Variants in EVL observed in about 807,000 individuals in gnomAD.
EVL encodes ena/VASP-like protein.
A neutral mutation model predicts 59.6 loss-of-function variants in EVL; 21 were observed. The observed-to-expected ratio is 0.35, with a 90% CI of 0.25 to 0.51. The LOEUF is 0.51. Among genes scored for constraint, EVL ranks in the 20% least tolerant of loss-of-function variants. The probability of loss-of-function intolerance (pLI) is 0.97; values close to 1 mark genes in which losing one functional copy is unlikely to be tolerated. For synonymous variants in EVL, 198 were observed against 203.5 expected, an observed-to-expected ratio of 0.97 and a Z score of 0.23; for missense variants, 462 against 546.6, an observed-to-expected ratio of 0.85 and a Z score of 1.54.
intron 1 of EVL, among the ~76,000 whole-genome samples, chr14:100,033,812 G>A (rs2140221806): frequency 6.6e-6 from 1 of 152,300 alleles, no homozygotes; most frequent in East Asian, 1.9e-4. Flanking sequence ...ATCACACAGA[G>A]CTGGCATTTG....
chr14:100,010,940 G>A (rs1021194359), intron 1 of EVL, among the ~76,000 whole-genome samples: 2 of 152,176 alleles, frequency 1.3e-5, no homozygotes, highest in African/African-American at 4.8e-5. Context: ...ATGCAGAGAG[G>A]CACTGAGGAC....
At chr14:100,086,381 G>A (rs548354057) in intron 2 of EVL, among the ~76,000 whole-genome samples, 1 of 152,314 alleles carries the variant, frequency 6.6e-6, no homozygotes, top group East Asian at 1.9e-4. Context: ...AACACCTAGT[G>A]GTTGGGGCTT....
intron 1 of EVL, among the ~76,000 whole-genome samples, chr14:99,978,577 G>A (rs1490994904): frequency 6.6e-6 from 1 of 152,014 alleles, no homozygotes; most frequent in Non-Finnish European, 1.5e-5. Context: ...ATACCTATAC[G>A]TGTATATTTA....
chr14:100,138,531 C>T (rs1485427688), intron 11 of EVL: 1 of 152,920 alleles, frequency 6.5e-6, no homozygotes, highest in Non-Finnish European at 1.5e-5. Flanking sequence ...GGAAACCACC[C>T]TTATCACAGA....
intron 1 of EVL, among the ~76,000 whole-genome samples, chr14:100,003,133 C>A (rs1346717790): frequency 2.0e-5 from 3 of 152,178 alleles, no homozygotes; most frequent in South Asian, 2.1e-4. Context: ...TCGACCCTTA[C>A]AATCTCACGC....
intron 9 of EVL, chr14:100,137,021 A>G (rs1417799305): frequency 1.3e-5 from 2 of 155,872 alleles, no homozygotes; most frequent in African/African-American, 2.4e-5. Context: ...CTGCCCCACT[A>G]CCCCCTAGAG....
At chr14:100,008,079 T>C (rs2060994758) in intron 1 of EVL, among the ~76,000 whole-genome samples, 1 of 152,134 alleles carries the variant, frequency 6.6e-6, no homozygotes, top group African/African-American at 2.4e-5. Context: ...CCCAGAATCA[T>C]CCCCAGTTGA....
intron 4 of EVL, among the ~76,000 whole-genome samples, chr14:100,125,145 CACACA>C (rs1887968945): frequency 1.4e-5 from 2 of 144,292 alleles, no homozygotes; most frequent in African/African-American, 2.7e-5. Context: ...CACACACACA[CACACA>C]CCTGCCCCAA....
rs146416321 is a variant in EVL, at chr14:100,092,371, A to G, written c.181-5110A>G. Among the ~76,000 whole-genome samples, 13 of 152,302 alleles carry G rather than the reference A, an allele frequency of 8.5e-5. No homozygotes were observed. The East Asian group carries it at 2.3e-3, about 27-fold the overall frequency. Reference sequence around the variant, plus strand: ...TGTATTCATATCAGCCAAGAATGCAAAACTACCCATGTCCATCAGCAGGAG... The same window carrying G: ...TGTATTCATATCAGCCAAGAATGCAGAACTACCCATGTCCATCAGCAGGAG... On this transcript the variant is annotated intron_variant, in intron 2 of 13. Transcript: ENST00000392920.
chr14:100,053,281 C>T (rs1248682624), intron 1 of EVL, among the ~76,000 whole-genome samples: 1 of 152,034 alleles, frequency 6.6e-6, no homozygotes, highest in Non-Finnish European at 1.5e-5. Context: ...TGCTTTTTCT[C>T]CTCGTTTTTT....
intron 1 of EVL, among the ~76,000 whole-genome samples, chr14:100,036,138 A>T (rs1159214099): frequency 1.3e-5 from 2 of 152,092 alleles, no homozygotes; most frequent in Non-Finnish European, 2.9e-5. Context: ...CAGAAACCCT[A>T]CTGTGAACTG....
chr14:100,017,604 A>G (rs1050844368), intron 1 of EVL, among the ~76,000 whole-genome samples: 1 of 152,232 alleles, frequency 6.6e-6, no homozygotes, highest in Non-Finnish European at 1.5e-5. Flanking sequence ...TCCAAGGCCC[A>G]GGGAATTTAA....
chr14:100,105,032 G>A (rs374908488), intron 3 of EVL, among the ~76,000 whole-genome samples: 91 of 151,626 alleles, frequency 6.0e-4, no homozygotes, highest in African/African-American at 2.1e-3. Context: ...ACCTTGTGCC[G>A]GTCATGCCAA....
intron 1 of EVL, among the ~76,000 whole-genome samples, chr14:100,029,966 T>C (rs975294325): frequency 3.9e-5 from 6 of 152,208 alleles, no homozygotes; most frequent in African/African-American, 1.4e-4. Context: ...TTTGCCATGC[T>C]GCTAGCACCT....
chr14:100,026,929 G>A (rs955932089), intron 1 of EVL, among the ~76,000 whole-genome samples: 1 of 152,166 alleles, frequency 6.6e-6, no homozygotes, highest in Non-Finnish European at 1.5e-5. Flanking sequence ...TTTGATAGAT[G>A]ATGGTGGGAG....
At chr14:99,986,683 A>C (rs1268695561) in intron 1 of EVL, among the ~76,000 whole-genome samples, 2 of 152,220 alleles carry the variant, frequency 1.3e-5, no homozygotes, top group African/African-American at 4.8e-5. Flanking sequence ...GGTTTTCTAC[A>C]CATGTAGCCT....
Position 100,065,481 on chromosome 14 carries a change from T to C in EVL, c.-20T>C. ...CAGGACTCGCCTCCTCAGGGTTCCC[T>C]GTGCTGCCACTTTTCAGCCATGGCC... On this transcript the variant is annotated 5_prime_UTR_variant, in exon 1 of 14. Transcript: ENST00000392920. The C allele has an allele frequency of 6.6e-7, 1 of 1,510,322 alleles. No homozygotes were observed. Among genetic ancestry groups the C allele is most frequent in the Non-Finnish European group, 9.0e-7 (1 of 1,117,214 alleles). 93.6% of individuals were successfully genotyped at this position (1,510,322 alleles called of 1,614,324 possible). A position where few individuals can be genotyped will look rare whatever the true frequency, so the allele number is the denominator to read the frequency against.
intron 1 of EVL, among the ~76,000 whole-genome samples, chr14:100,048,232 T>C (rs535627075): frequency 3.3e-5 from 5 of 152,332 alleles, no homozygotes; most frequent in African/African-American, 1.2e-4. Context: ...AGAGACAGAC[T>C]TGGAGAAAAT....
rs139047059 is a variant in EVL, at chr14:100,102,091, G to T, written c.358+4433G>T. Among the ~76,000 whole-genome samples the T allele has an allele frequency of 3.5e-3, 533 of 152,322 alleles. 1 individual carries two copies. Among genetic ancestry groups the T allele is most frequent in the Admixed American group, 5.2e-3 (79 of 15,302 alleles). ...GACCTCAAGTGATCCGCCCACCTCA[G>T]CCTCCCAAAGTGCTGGGATTAAGGT... On this transcript the variant is annotated intron_variant, in intron 3 of 13. Coordinates refer to ENST00000392920, the MANE Select transcript of EVL (RefSeq NM_016337.3).
Sources: allele counts gnomAD v4.1 joint callset (sites outside exome capture counted in the v4.1 genomes callset), GRCh38; gene constraint gnomAD v4.1.1; transcripts MANE v1.5; gene names NCBI Gene and HGNC (gene_info 2026-07-23, HGNC 2026-07-21).